Variants in RICTOR observed in about 807,000 individuals in gnomAD.
The protein encoded by RICTOR is rapamycin-insensitive companion of mTOR.
In RICTOR, 49 loss-of-function variants were observed where a neutral mutation model predicts 214.9. That is an observed-to-expected ratio of 0.23 (90% confidence interval 0.18 to 0.29). RICTOR has a LOEUF of 0.29. RICTOR is among the 10% of genes least tolerant of loss of function. The pLI is 1.00. For synonymous variants in RICTOR, 717 were observed against 711.3 expected (o/e 1.01, Z -0.13); for missense variants, 1,625 against 2,047.0 (o/e 0.79, Z 3.98).
chr5:38,948,359 C>T (rs1454953443), intron 31 of RICTOR, among the ~76,000 whole-genome samples: 1 of 152,000 alleles, frequency 6.6e-6, no homozygotes, highest in Non-Finnish European at 1.5e-5. Flanking sequence ...CTAATTTCCA[C>T]CCAAAAAACA....
intron 3 of RICTOR, among the ~76,000 whole-genome samples, chr5:39,005,564 T>C (rs1753992221): frequency 6.6e-6 from 1 of 152,252 alleles, no homozygotes; most frequent in African/African-American, 2.4e-5. Flanking sequence ...GTCCTCTATG[T>C]TCATGACATA....
chr5:38,962,673 C>T (rs1221716265), intron 17 of RICTOR, 87 bp from the exon 18 acceptor site: 2 of 842,484 alleles, frequency 2.4e-6, no homozygotes, highest in Non-Finnish European at 3.7e-6. Flanking sequence ...AAATGAAAGG[C>T]AGCTTTTCCA....
intron 7 of RICTOR, among the ~76,000 whole-genome samples, chr5:38,982,718 T>C (rs1751818475): frequency 6.6e-6 from 1 of 152,004 alleles, no homozygotes; most frequent in African/African-American, 2.4e-5. Flanking sequence ...TGATTCTCTT[T>C]CATTTTTCTC....
intron 32 of RICTOR, among the ~76,000 whole-genome samples, chr5:38,947,014 C>G (rs1467937188): frequency 6.6e-6 from 1 of 151,764 alleles, no homozygotes; most frequent in Non-Finnish European, 1.5e-5. Context: ...ATAAAGAAAT[C>G]AAATGAGATA....
chr5:39,026,880 G>A (rs1441129935), intron 2 of RICTOR, among the ~76,000 whole-genome samples: 1 of 151,780 alleles, frequency 6.6e-6, no homozygotes, highest in African/African-American at 2.4e-5. Flanking sequence ...GGTCACGCAT[G>A]CCTGTTAATC....
At chr5:39,039,181 T>C (rs900556704) in intron 2 of RICTOR, among the ~76,000 whole-genome samples, 1 of 152,186 alleles carries the variant, frequency 6.6e-6, no homozygotes, top group African/African-American at 2.4e-5. Context: ...AATTATCTGA[T>C]CTTTGACAAA....
At chr5:38,966,218 A>T (rs10473125) in intron 15 of RICTOR, among the ~76,000 whole-genome samples, 27,275 of 152,214 alleles carry the variant, frequency 0.18, 2,656 homozygotes, top group Middle Eastern at 0.22. Context: ...TTCTGCACAA[A>T]GCTTTCTAAA....
chr5:39,014,220 T>C (rs1002790285), intron 3 of RICTOR, among the ~76,000 whole-genome samples: 4 of 152,160 alleles, frequency 2.6e-5, no homozygotes, highest in African/African-American at 9.6e-5. Context: ...TGTGTAATAA[T>C]GGTAAATAAA....
chr5:38,975,533 C>T lies in RICTOR; in HGVS notation c.889+4G>A, dbSNP rs556614033. 4.4e-6 allele frequency: 7 copies of T among 1,606,690 alleles called. No individual in the cohort carries two copies. The African/African-American group carries it at 9.3e-5, about 21-fold the overall frequency. On this transcript the variant is annotated splice_donor_region_variant and intron_variant, in intron 10 of 37. Transcript: ENST00000357387. Reference sequence around the variant, plus strand: ...ATGTTATAAAGCAATGTAGAGTAACCTACCTGCCCATGATCGGAATGTTGC... The same window carrying T: ...ATGTTATAAAGCAATGTAGAGTAACTTACCTGCCCATGATCGGAATGTTGC...
intron 2 of RICTOR, among the ~76,000 whole-genome samples, chr5:39,026,056 G>A (rs761653110): frequency 1.3e-5 from 2 of 152,142 alleles, no homozygotes; most frequent in Non-Finnish European, 2.9e-5. Context: ...TTCCTACTCT[G>A]TGTTTCCAAT....
chr5:39,047,072 C>T (rs563364148), intron 2 of RICTOR, among the ~76,000 whole-genome samples: 8 of 152,160 alleles, frequency 5.3e-5, no homozygotes, highest in African/African-American at 1.7e-4. Context: ...TAAAAAAAAA[C>T]TTAAAAAAAT....
At chr5:39,002,211 GATA>G (rs1753691556) in intron 5 of RICTOR, among the ~76,000 whole-genome samples, 1 of 145,106 alleles carries the variant, frequency 6.9e-6, no homozygotes, top group African/African-American at 2.5e-5. Context: ...GAATCTCAAA[GATA>G]ATAATGAGAA....
intron 2 of RICTOR, among the ~76,000 whole-genome samples, chr5:39,048,460 G>A (rs918632317): frequency 2.6e-5 from 4 of 152,106 alleles, no homozygotes; most frequent in African/African-American, 9.7e-5. Context: ...TTTGTTATCT[G>A]CCAGGTAGAG....
At chr5:38,967,094 C>T (rs998393538) in intron 14 of RICTOR, 67 bp downstream of exon 14, 1 of 1,247,962 alleles carries the variant, frequency 8.0e-7, no homozygotes. Context: ...AGTCACCACA[C>T]CTGGCATGAA....
At chr5:39,053,890 CAA>C (rs35354716) in intron 2 of RICTOR, among the ~76,000 whole-genome samples, 2 of 78,348 alleles carry the variant, frequency 2.6e-5, no homozygotes, top group Non-Finnish European at 2.4e-5. Flanking sequence ...GACTCCGTCT[CAA>C]AAAAAAAAAA....
chr5:38,957,715 T>A lies in RICTOR; in HGVS notation c.2436A>T (p.Pro812=). The change falls in exon 25 of 38, where the codon CCA becomes CCT. Residue 812 remains proline (P), a synonymous_variant. Transcript: ENST00000357387. ...LLLLLRFLSI[P]KGFSYLNERG... ...TTTCATTCAGATAGGAAAATCCTTT[T>A]GGAATGGAGAGAAATCTGCAAATTA... The A allele has an allele frequency of 1.3e-6, 2 of 1,583,652 alleles. No individual in the cohort carries two copies. The highest frequency in any genetic ancestry group is 4.5e-5 in the East Asian group (2 of 44,110).
At chr5:39,071,832 T>C (rs1210479648) in intron 2 of RICTOR, among the ~76,000 whole-genome samples, 2 of 152,230 alleles carry the variant, frequency 1.3e-5, no homozygotes, top group African/African-American at 2.4e-5. Flanking sequence ...AAGCAAACAC[T>C]GCCTTGGCAT....
intron 31 of RICTOR, among the ~76,000 whole-genome samples, chr5:38,949,026 T>G (rs1748466953): frequency 6.6e-6 from 1 of 152,082 alleles, no homozygotes; most frequent in Admixed American, 6.6e-5. Flanking sequence ...CTTAAATAAA[T>G]GTAAATGAAT....
At chr5:39,055,466 A>G (rs1758143930) in intron 2 of RICTOR, among the ~76,000 whole-genome samples, 1 of 123,478 alleles carries the variant, frequency 8.1e-6, no homozygotes, top group South Asian at 2.7e-4. Context: ...TATTAAGAGC[A>G]TTTATCAGTA....
Sources: allele counts gnomAD v4.1 joint callset (sites outside exome capture counted in the v4.1 genomes callset), GRCh38; gene constraint gnomAD v4.1.1; transcripts MANE v1.5; gene names NCBI Gene and HGNC (gene_info 2026-07-23, HGNC 2026-07-21).